The following DRC11 variants were observed in gnomAD, a reference collection of about 807,000 sequenced individuals.
DRC11 encodes IQ and AAA domain-containing protein 1.
chr2:236,317,206 G>T, the DRC11 span, among the ~76,000 whole-genome samples: 1 of 151,988 alleles, frequency 6.6e-6, no homozygotes, highest in Non-Finnish European at 1.5e-5. This position sits in a 1 kb window ranked among gnomAD's most constrained non-coding sequence, Gnocchi z 5.4. Flanking sequence ...TGAGGCAGGG[G>T]AATCACTTGA....
At chr2:236,449,102 C>T in the DRC11 span, among the ~76,000 whole-genome samples, 11 of 151,904 alleles carry the variant, frequency 7.2e-5, no homozygotes, top group East Asian at 2.0e-4. The surrounding 1 kb of genome is among the most constrained non-coding windows in gnomAD (Gnocchi z 5.1). Context: ...TCAGATGATC[C>T]GCCTGCCTCG....
chr2:236,315,912 A>C, the DRC11 span, among the ~76,000 whole-genome samples: 4 of 152,190 alleles, frequency 2.6e-5, no homozygotes, highest in African/African-American at 9.7e-5. This position sits in a 1 kb window ranked among gnomAD's most constrained non-coding sequence, Gnocchi z 5.1. Flanking sequence ...ATACCTAAGT[A>C]ATGGGTTGAT....
chr2:236,357,324 ATATTCATATATGAATATATATATTATATG>A, the DRC11 span, among the ~76,000 whole-genome samples: 1 of 113,528 alleles, frequency 8.8e-6, no homozygotes, highest in Non-Finnish European at 1.6e-5. Context: ...TATATTATAT[ATATTCATATATGAATATATATATTATATG>A]TATATATATT....
the DRC11 span, among the ~76,000 whole-genome samples, chr2:236,373,295 CCCCCAGGCTG>C: frequency 8.6e-5 from 13 of 150,470 alleles, no homozygotes; most frequent in South Asian, 2.3e-3. Context: ...CCCGCTCTGA[CCCCCAGGCTG>C]CAGTGCATTG....
At chr2:236,315,157 T>C in the DRC11 span, among the ~76,000 whole-genome samples, 1 of 152,162 alleles carries the variant, frequency 6.6e-6, no homozygotes. The surrounding 1 kb of genome is among the most constrained non-coding windows in gnomAD (Gnocchi z 5.1). Flanking sequence ...CTTGTTTTCA[T>C]TGTTGTTGTT....
At chr2:236,459,606 TAC>T in the DRC11 span, among the ~76,000 whole-genome samples, 4 of 142,132 alleles carry the variant, frequency 2.8e-5, no homozygotes, top group Non-Finnish European at 3.0e-5. Flanking sequence ...TATACATATA[TAC>T]GTATATAAGT....
the DRC11 span, among the ~76,000 whole-genome samples, chr2:236,349,203 G>A: frequency 1.3e-5 from 2 of 152,006 alleles, no homozygotes; most frequent in African/African-American, 4.8e-5. The surrounding 1 kb of genome is among the most constrained non-coding windows in gnomAD (Gnocchi z 5.5). Flanking sequence ...ACATGGCCTG[G>A]GCACTGCTGC....
the DRC11 span, chr2:236,465,513 G>T: frequency 1.2e-6 from 2 of 1,613,580 alleles, no homozygotes; most frequent in Middle Eastern, 1.7e-4. This position sits in a 1 kb window ranked among gnomAD's most constrained non-coding sequence, Gnocchi z 6.2. Flanking sequence ...ACCTGCATTC[G>T]ATGAACCAAT....
At chr2:236,392,246 G>C in the DRC11 span, 16 of 1,573,796 alleles carry the variant, frequency 1.0e-5, no homozygotes, top group Non-Finnish European at 1.4e-5. The surrounding 1 kb of genome is among the most constrained non-coding windows in gnomAD (Gnocchi z 5.1). Flanking sequence ...AGCTGTACCT[G>C]TATCCTGATC....
chr2:236,391,996 C>T, the DRC11 span: 1 of 1,613,978 alleles, frequency 6.2e-7, no homozygotes, highest in African/African-American at 1.3e-5. This position sits in a 1 kb window ranked among gnomAD's most constrained non-coding sequence, Gnocchi z 4.5. Context: ...TTCTTTCCTG[C>T]TTTCACTGGG....
At chr2:236,361,593 T>C in the DRC11 span, among the ~76,000 whole-genome samples, 1 of 152,140 alleles carries the variant, frequency 6.6e-6, no homozygotes, top group African/African-American at 2.4e-5. The surrounding 1 kb of genome is among the most constrained non-coding windows in gnomAD (Gnocchi z 5.7). Context: ...TAAAATACCA[T>C]ATTAATTCTA....
chr2:236,496,589 C>G, the DRC11 span, among the ~76,000 whole-genome samples: 1 of 152,016 alleles, frequency 6.6e-6, no homozygotes, highest in Admixed American at 6.6e-5. This position sits in a 1 kb window ranked among gnomAD's most constrained non-coding sequence, Gnocchi z 6.3. Flanking sequence ...CAGGCGCCAG[C>G]AGCAAGGGCT....
chr2:236,400,931 C>T, the DRC11 span, among the ~76,000 whole-genome samples: 1 of 152,220 alleles, frequency 6.6e-6, no homozygotes, highest in Non-Finnish European at 1.5e-5. This position sits in a 1 kb window ranked among gnomAD's most constrained non-coding sequence, Gnocchi z 7.9. Context: ...GCTTCTGCCT[C>T]CAGTCCCACT....
the DRC11 span, among the ~76,000 whole-genome samples, chr2:236,466,912 G>A: frequency 9.2e-5 from 14 of 152,262 alleles, no homozygotes; most frequent in African/African-American, 3.4e-4. Context: ...GAATGAATAT[G>A]TACAGCCATA....
chr2:236,322,229 CTTTT>C, the DRC11 span, among the ~76,000 whole-genome samples: 943 of 98,460 alleles, frequency 9.6e-3, 2 homozygotes, highest in Non-Finnish European at 0.014. Flanking sequence ...TTTCTTTCCT[CTTTT>C]TTTTTTTTTT....
At chr2:236,366,480 C>G in the DRC11 span, among the ~76,000 whole-genome samples, 1 of 152,202 alleles carries the variant, frequency 6.6e-6, no homozygotes, top group Non-Finnish European at 1.5e-5. Flanking sequence ...CCTAACGTTT[C>G]TATGCATTCC....
At chr2:236,454,426 G>A in the DRC11 span, among the ~76,000 whole-genome samples, 1 of 152,114 alleles carries the variant, frequency 6.6e-6, no homozygotes, top group Non-Finnish European at 1.5e-5. The surrounding 1 kb of genome is among the most constrained non-coding windows in gnomAD (Gnocchi z 5.3). Context: ...TTCCACCAAA[G>A]CAAACAGTAG....
the DRC11 span, among the ~76,000 whole-genome samples, chr2:236,320,841 C>CA: frequency 6.6e-6 from 1 of 151,280 alleles, no homozygotes; most frequent in African/African-American, 2.4e-5. Flanking sequence ...GGTACCCCCC[C>CA]GCCCCCCGCC....
the DRC11 span, chr2:236,364,017 A>G: frequency 6.4e-7 from 1 of 1,565,646 alleles, no homozygotes; most frequent in Non-Finnish European, 8.7e-7. Flanking sequence ...ATGTTCTGCC[A>G]AGAAAATCAG....
Sources: gnomAD v4.1 joint callset for allele counts (sites outside exome capture counted in the v4.1 genomes callset) on GRCh38, gnomAD v4.1.1 for gene constraint, Gnocchi (gnomAD v3.1) non-coding constraint, MANE v1.5 for transcripts, NCBI Gene and HGNC (gene_info 2026-07-23, HGNC 2026-07-21) for gene names.